The following MAGI2 variants were observed in gnomAD, a reference collection of about 807,000 sequenced individuals.
MAGI2 encodes the protein membrane-associated guanylate kinase, WW and PDZ domain-containing protein 2.
In MAGI2, 35 loss-of-function variants were observed where a neutral mutation model predicts 133.3. That is an observed-to-expected ratio of 0.26 (90% CI 0.20 to 0.35). The LOEUF (loss-of-function observed/expected upper bound fraction) is 0.35. MAGI2 is among the 10% of genes least tolerant of loss of function. The pLI, the probability that MAGI2 is intolerant of heterozygous loss-of-function variation, is 1.00. For missense variants in MAGI2, 1,636 were observed against 1,863.4 expected (o/e 0.88, Z 2.25); for synonymous variants, 729 against 710.6 (o/e 1.03, Z -0.41).
chr7:79,059,202 T>C (rs956163232), intron 1 of MAGI2, among the ~76,000 whole-genome samples: 5 of 151,930 alleles, frequency 3.3e-5, no homozygotes, highest in Non-Finnish European at 5.9e-5. Context: ...TATCCTGTGA[T>C]TTTTTTTGTA....
intron 8 of MAGI2, 108 bp downstream of exon 8, chr7:78,345,814 A>G (rs540984456): frequency 1.3e-6 from 2 of 1,483,334 alleles, no homozygotes; most frequent in Admixed American, 2.1e-5. Context: ...GTCTGGAGAA[A>G]GCAAATCAAT....
intron 1 of MAGI2, among the ~76,000 whole-genome samples, chr7:79,241,664 T>A (rs1197713467): frequency 6.6e-6 from 1 of 152,182 alleles, no homozygotes; most frequent in Non-Finnish European, 1.5e-5. Flanking sequence ...ATGACAAGAT[T>A]AGGCTATGGG....
rs375197353 is a variant in MAGI2, at chr7:78,885,323, T to C, written c.418+121767A>G. Among the ~76,000 whole-genome samples, 18 of 152,266 alleles carry C rather than the reference T, an allele frequency of 1.2e-4. 1 individual carries two copies. In the East Asian group the frequency reaches 3.1e-3, roughly 26 times the overall value. On this transcript the variant is annotated intron_variant, in intron 2 of 21. Transcript: ENST00000354212. ...AATGTAAAATAAAAGTTGAAATTAC[T>C]AATAAAAAATCAACACGTATGCTAA...
At chr7:78,442,774 G>A (rs12670815) in intron 6 of MAGI2, among the ~76,000 whole-genome samples, 138,307 of 152,208 alleles carry the variant, frequency 0.91, 63,636 homozygotes, top group East Asian at 0.99. Flanking sequence ...GGGCTATTTA[G>A]CATAACTGAG....
chr7:79,252,318 G>GAAAC (rs1054567814), intron 1 of MAGI2, among the ~76,000 whole-genome samples: 12 of 152,120 alleles, frequency 7.9e-5, no homozygotes, highest in African/African-American at 2.7e-4. Flanking sequence ...AAATAAGCCA[G>GAAAC]AAACAAACAA....
At chr7:78,447,138 T>C (rs1788228748) in intron 6 of MAGI2, among the ~76,000 whole-genome samples, 1 of 152,106 alleles carries the variant, frequency 6.6e-6, no homozygotes, top group African/African-American at 2.4e-5. Flanking sequence ...ATGTTATCCA[T>C]CAGAAGTGCA....
At chr7:78,525,131 T>C (rs1178091847) in intron 3 of MAGI2, among the ~76,000 whole-genome samples, 5 of 152,182 alleles carry the variant, frequency 3.3e-5, no homozygotes, top group African/African-American at 1.2e-4. Flanking sequence ...TACAACAATA[T>C]TCTATTTCTA....
At chr7:78,573,035 GTATATATATATATATATATA>G (rs765938732) in intron 3 of MAGI2, among the ~76,000 whole-genome samples, 101 of 31,690 alleles carry the variant, frequency 3.2e-3, no homozygotes, top group East Asian at 0.024. Context: ...GCATATGTAT[GTATATATATATATATATATA>G]TATATATATA....
At chr7:78,174,219 C>T (rs561967190) in intron 14 of MAGI2, among the ~76,000 whole-genome samples, 1 of 152,230 alleles carries the variant, frequency 6.6e-6, no homozygotes, top group African/African-American at 2.4e-5. Flanking sequence ...AACACATAAA[C>T]ACCATTAAAT....
At chr7:78,075,612 G>A (rs894795839) in intron 21 of MAGI2, among the ~76,000 whole-genome samples, 14 of 151,924 alleles carry the variant, frequency 9.2e-5, no homozygotes, top group East Asian at 7.7e-4. Context: ...TCCTGACCTC[G>A]TGATCTGCCC....
Position 78,155,922 on chromosome 7 carries a change from A to G in MAGI2, c.2845+4103T>C, listed in dbSNP as rs990806507. Among the ~76,000 whole-genome samples, 6 of 152,356 alleles carry G rather than the reference A, an allele frequency of 3.9e-5. No homozygotes were observed. In the South Asian group the frequency reaches 1.2e-3, roughly 32 times the overall value. ...CTCCCAGTTTCCCAATTAGCTGAGC[A>G]TCACCTGTGCTTGGCAAAGTTGTTG... On this transcript the variant is annotated intron_variant, in intron 16 of 21. Transcript: ENST00000354212.
At chr7:78,410,839 TA>T (rs997994371) in intron 6 of MAGI2, among the ~76,000 whole-genome samples, 1 of 151,764 alleles carries the variant, frequency 6.6e-6, no homozygotes, top group African/African-American at 2.4e-5. Context: ...TCAAAGATAA[TA>T]AAAATCAAAA....
Position 78,176,950 on chromosome 7 carries a change from C to CACACACACACACACACAT in MAGI2, c.2403+1060_2403+1061insATGTGTGTGTGTGTGTGT, listed in dbSNP as rs988630917. Among the ~76,000 whole-genome samples the CACACACACACACACACAT allele has an allele frequency of 4.3e-4, 64 of 147,334 alleles. 1 individual carries two copies. The highest frequency in any genetic ancestry group is 3.5e-3 in the Middle Eastern group (1 of 284). On this transcript the variant is annotated intron_variant, in intron 14 of 21. Coordinates refer to ENST00000354212, the MANE Select transcript of MAGI2 (RefSeq NM_012301.4). ...ACACACACACACACACACACACACACATATATAGTATATTTCCTGGGAGAA... is the reference window on the plus strand; with the variant it reads ...ACACACACACACACACACACACACACACACACACACACACACATATATATAGTATATTTCCTGGGAGAA...
At chr7:78,480,189 G>C (rs1029363468) in intron 6 of MAGI2, among the ~76,000 whole-genome samples, 1 of 151,666 alleles carries the variant, frequency 6.6e-6, no homozygotes, top group African/African-American at 2.4e-5. Context: ...AATTGAACTT[G>C]TAATTAAAAT....
chr7:78,098,406 C>A (rs532897528), intron 20 of MAGI2, among the ~76,000 whole-genome samples: 29 of 152,220 alleles, frequency 1.9e-4, no homozygotes, highest in South Asian at 1.2e-3. Flanking sequence ...TGCAATTTAG[C>A]AAATATAGAA....
At chr7:79,053,432 C>A (rs1584798714) in intron 1 of MAGI2, among the ~76,000 whole-genome samples, 2 of 152,106 alleles carry the variant, frequency 1.3e-5, no homozygotes, top group East Asian at 1.9e-4. Flanking sequence ...CAACCAAATT[C>A]TTCATCTATG....
intron 9 of MAGI2, among the ~76,000 whole-genome samples, chr7:78,315,373 A>T (rs1016493769): frequency 6.6e-6 from 1 of 152,182 alleles, no homozygotes; most frequent in Non-Finnish European, 1.5e-5. Context: ...TCCCAGAAAT[A>T]AGAATTGATG....
intron 5 of MAGI2, among the ~76,000 whole-genome samples, chr7:78,499,183 A>G (rs2150518922): frequency 6.6e-6 from 1 of 152,332 alleles, no homozygotes; most frequent in East Asian, 1.9e-4. Flanking sequence ...TAGTAGGGTC[A>G]GGGGCTTCCT....
At chr7:78,210,985 A>AG (rs1787713819) in intron 10 of MAGI2, among the ~76,000 whole-genome samples, 1 of 152,186 alleles carries the variant, frequency 6.6e-6, no homozygotes, top group East Asian at 1.9e-4. Context: ...TAGTGGCTAC[A>AG]GGGGAATAAA....
Sources: allele counts gnomAD v4.1 joint callset (sites outside exome capture counted in the v4.1 genomes callset), GRCh38; gene constraint gnomAD v4.1.1; transcripts MANE v1.5; gene names NCBI Gene and HGNC (gene_info 2026-07-23, HGNC 2026-07-21).